The following SPEN variants were observed in gnomAD, a reference collection of about 807,000 sequenced individuals.
SPEN encodes spen family transcriptional repressor.
A neutral mutation model predicts 269.9 loss-of-function variants in SPEN; 18 were observed. The observed-to-expected ratio is 0.07, with a 90% CI of 0.05 to 0.10. The LOEUF (loss-of-function observed/expected upper bound fraction) is 0.10, where lower values mean the gene tolerates loss of function less well. Among genes scored for constraint, SPEN ranks in the 10% least tolerant of loss-of-function variants. SPEN has a pLI of 1.00. For synonymous variants in SPEN, 1,726 were observed against 1,765.7 expected (o/e 0.98, Z 0.56); for missense variants, 3,822 against 4,631.2 (o/e 0.83, Z 5.07).
intron 3 of SPEN, among the ~76,000 whole-genome samples, chr1:15,899,442 A>G (rs2070876863): frequency 6.6e-6 from 1 of 151,610 alleles, no homozygotes; most frequent in Admixed American, 6.6e-5. Flanking sequence ...GCCCTTCCAA[A>G]GTGCTAGGAT....
intron 3 of SPEN, among the ~76,000 whole-genome samples, chr1:15,892,421 G>A (rs940464986): frequency 1.3e-5 from 2 of 152,126 alleles, no homozygotes; most frequent in Non-Finnish European, 2.9e-5. Flanking sequence ...GCTCTATTAA[G>A]CTGTAATGTC....
intron 10 of SPEN, among the ~76,000 whole-genome samples, chr1:15,927,274 T>C (rs2071177537): frequency 6.6e-6 from 1 of 152,228 alleles, no homozygotes; most frequent in South Asian, 2.1e-4. Flanking sequence ...GGTTTGTTAG[T>C]TGGCAGCCTG....
intron 1 of SPEN, among the ~76,000 whole-genome samples, chr1:15,865,264 A>G (rs10803404): frequency 0.89 from 135,636 of 151,714 alleles, 61,013 homozygotes; most frequent in African/African-American, 0.96. Flanking sequence ...TTGCTCCCAG[A>G]CTGGTCTCAA....
chr1:15,864,029 C>G (rs1471226442), intron 1 of SPEN, among the ~76,000 whole-genome samples: 1 of 151,982 alleles, frequency 6.6e-6, no homozygotes, highest in Non-Finnish European at 1.5e-5. Flanking sequence ...TTGACACATG[C>G]TACAACATTT....
rs773209796 is a variant in SPEN, at chr1:15,928,640, G to A, written c.2400G>A (p.Glu800=). The change falls in exon 11 of 15, where the codon GAG becomes GAA. Residue 800 remains glutamate (E), a synonymous_variant. Transcript: ENST00000375759. The surrounding 1 kb of genome is among the most constrained non-coding windows in gnomAD (Gnocchi z 5.7). The part of the protein sequence containing the change: ...KTDKERTFDP[E]RVERERRLIR... The stretch of plus-strand genomic sequence containing the variant: ...ATAAAGAACGAACTTTTGATCCGGA[G>A]AGAGTGGAGAGAGAGAGACGCTTAA... 6.2e-7 allele frequency: 1 copy of A among 1,614,072 alleles called. No individual in the cohort carries two copies.
Position 15,909,348 on chromosome 1 carries a change from T to G in SPEN, c.909T>G (p.Asp303Glu), listed in dbSNP as rs1557751843. The G allele has an allele frequency of 6.2e-7, 1 of 1,612,776 alleles. No homozygotes were observed. The highest frequency in any genetic ancestry group is 1.7e-5 in the Admixed American group (1 of 59,566). Reference sequence around the variant, plus strand: ...GTGATTCCAGCAGTAGTTCAAGTGATGATTCTCCAGCTCGATCAGTTCAGT... The same window carrying G: ...GTGATTCCAGCAGTAGTTCAAGTGAGGATTCTCCAGCTCGATCAGTTCAGT... The part of the protein sequence containing the change: ...DSSDSSSSSS[D>E]DSPARSVQSA... Residue 303 changes from aspartate (D) to glutamate (E), a missense_variant, in exon 4 of 15, where the codon GAT becomes GAG. By Grantham distance (45) the Asp-to-Glu change is conservative. Around this residue, in one of 16 missense-constraint regions of SPEN, gnomAD observed 327 missense variants for 350.8 expected, o/e 0.93. Transcript: ENST00000375759.
intron 1 of SPEN, among the ~76,000 whole-genome samples, chr1:15,858,303 C>A (rs577778679): frequency 6.6e-6 from 1 of 152,090 alleles, no homozygotes; most frequent in East Asian, 1.9e-4. Context: ...TCCCCTTTTC[C>A]CAAATTCACC....
In SPEN at chr1:15,935,659, C is replaced by A; in HGVS notation, c.9419C>A (p.Pro3140Gln). ...EVRAPQRAST[P>Q]QPAPAGVPAL... is the part of the protein sequence containing the mutation. Reference sequence around the variant, plus strand: ...AGGGCCCCACAGCGTGCCAGCACCCCGCAGCCAGCCCCAGCTGGTGTGCCT... The same window carrying A: ...AGGGCCCCACAGCGTGCCAGCACCCAGCAGCCAGCCCCAGCTGGTGTGCCT... Residue 3140 changes from proline to glutamine, a missense_variant, in exon 11 of 15, where the codon CCG (proline) becomes CAG (glutamine). Coordinates refer to ENST00000375759, the MANE Select transcript of SPEN (RefSeq NM_015001.3). This position sits in a 1 kb window ranked among gnomAD's most constrained non-coding sequence, Gnocchi z 7.7. The A allele has an allele frequency of 1.2e-6, 2 of 1,614,020 alleles. No homozygotes were observed. Among genetic ancestry groups the A allele is most frequent in the Non-Finnish European group, 1.7e-6 (2 of 1,179,996 alleles).
chr1:15,883,279 G>A (rs543014045), intron 3 of SPEN, among the ~76,000 whole-genome samples: 3 of 152,152 alleles, frequency 2.0e-5, no homozygotes, highest in South Asian at 2.1e-4. Context: ...GAAACCCTTT[G>A]TGGTGTTTGC....
At chr1:15,915,906 A>AT (rs58631232) in intron 5 of SPEN, among the ~76,000 whole-genome samples, 6 of 151,490 alleles carry the variant, frequency 4.0e-5, no homozygotes, top group Non-Finnish European at 4.4e-5. Context: ...TTTAGCCTTA[A>AT]TTTTTTTTTG....
chr1:15,929,694 T>A lies in SPEN; in HGVS notation c.3454T>A (p.Ser1152Thr). 1 of 1,614,000 alleles carries A rather than the reference T, an allele frequency of 6.2e-7. No individual in the cohort carries two copies. Among genetic ancestry groups the A allele is most frequent in the Non-Finnish European group, 8.5e-7 (1 of 1,179,948 alleles). Residue 1152 changes from serine (S) to threonine (T), a missense_variant, in exon 11 of 15, where the codon TCA becomes ACA. Around this residue, in one of 16 missense-constraint regions of SPEN, gnomAD observed 572 missense variants for 582.6 expected, o/e 0.98. Coordinates refer to ENST00000375759, the MANE Select transcript of SPEN (RefSeq NM_015001.3). The surrounding 1 kb of genome is among the most constrained non-coding windows in gnomAD (Gnocchi z 5.8). ...ERKSGQEKSH[S>T]VNTEEKIGID... Reference sequence around the variant, plus strand: ...TAAATCAGGCCAAGAGAAATCACATTCAGTAAATACTGAAGAAAAAATTGG... The same window carrying A: ...TAAATCAGGCCAAGAGAAATCACATACAGTAAATACTGAAGAAAAAATTGG...
At position 15,937,524 on chromosome 1, in the gene SPEN, C is replaced by G; in HGVS notation, c.10388C>G (p.Ser3463Cys). The G allele has an allele frequency of 6.2e-7, 1 of 1,614,162 alleles. No homozygotes were observed. The highest frequency in any genetic ancestry group is 8.5e-7 in the Non-Finnish European group (1 of 1,180,040). Residue 3463 changes from serine (S) to cysteine (C), a missense_variant, in exon 12 of 15, where the codon TCT becomes TGT. Ser to Cys is a moderately radical substitution (Grantham distance 112). Coordinates refer to ENST00000375759, the MANE Select transcript of SPEN (RefSeq NM_015001.3). This position sits in a 1 kb window ranked among gnomAD's most constrained non-coding sequence, Gnocchi z 5.7. The part of the protein sequence containing the change: ...PKQPLFVPTT[S>C]GPSTPPGLVL... ...CAGCCGTTGTTTGTCCCAACAACCT[C>G]TGGCCCCAGCACCCCACCAGGACTG...
Position 15,939,250 on chromosome 1 carries a change from G to A in SPEN, c.10864-46G>A, listed in dbSNP as rs2071311739. ...GCTCCCCAATGGAAGTGGAGTTGTG[G>A]GGGTGAAGACAGACGGTCCCACTTT... is the stretch of plus-strand genomic sequence containing the variant. On this transcript the variant is annotated intron_variant, in intron 14 of 14. Coordinates refer to ENST00000375759, the MANE Select transcript of SPEN (RefSeq NM_015001.3). The surrounding 1 kb of genome is among the most constrained non-coding windows in gnomAD (Gnocchi z 4.1). The A allele has an allele frequency of 6.7e-7, 1 of 1,502,122 alleles. No individual in the cohort carries two copies. The highest frequency in any genetic ancestry group is 2.2e-5 in the Admixed American group (1 of 44,938). 93.0% of individuals were successfully genotyped at this position (1,502,122 alleles called of 1,614,324 possible).
rs1013716036 is a variant in SPEN at position 15,934,627 on chromosome 1, G to A, written c.8387G>A (p.Arg2796His). ...GGGTCCATGCCTGTGATCGACGATC[G>A]TCCGGCAGACGCGGGCTCAGGGGCG... ...HPGSMPVIDD[R>H]PADAGSGAGL... The change falls in exon 11 of 15, where the codon CGT becomes CAT. Residue 2796 changes from arginine to histidine, a missense_variant. By Grantham distance (29) the Arg-to-His change is conservative (BLOSUM62 0). Transcript: ENST00000375759. This position sits in a 1 kb window ranked among gnomAD's most constrained non-coding sequence, Gnocchi z 9.2. The A allele has an allele frequency of 3.2e-5, 52 of 1,613,784 alleles. No individual in the cohort carries two copies. Among genetic ancestry groups the A allele is most frequent in the Non-Finnish European group, 3.9e-5 (46 of 1,179,828 alleles).
At chr1:15,860,101 C>T (rs1329028194) in intron 1 of SPEN, among the ~76,000 whole-genome samples, 17 of 151,282 alleles carry the variant, frequency 1.1e-4, no homozygotes, top group Admixed American at 3.3e-4. Flanking sequence ...TTAGTAGAGA[C>T]GGGGTTTCAC....
At position 15,934,454 on chromosome 1, in the gene SPEN, A is replaced by G; in HGVS notation, c.8214A>G (p.Ala2738=). Residue 2738 remains alanine (A), a synonymous_variant, in exon 11 of 15, where the codon GCA becomes GCG. Transcript: ENST00000375759. The surrounding 1 kb of genome is among the most constrained non-coding windows in gnomAD (Gnocchi z 9.2). The part of the protein sequence containing the change: ...AASAVNATAS[A]VTVTAGAVTA... ...GTGCAGTGAATGCCACAGCAAGTGCAGTGACCGTCACAGCGGGTGCGGTTA... is the reference window on the plus strand; with the variant it reads ...GTGCAGTGAATGCCACAGCAAGTGCGGTGACCGTCACAGCGGGTGCGGTTA... 1 of 1,614,050 alleles carries G rather than the reference A, an allele frequency of 6.2e-7. No individual in the cohort carries two copies. Among genetic ancestry groups the G allele is most frequent in the Non-Finnish European group, 8.5e-7 (1 of 1,180,048 alleles).
At chr1:15,864,641 C>T (rs1259406733) in intron 1 of SPEN, among the ~76,000 whole-genome samples, 2 of 132,050 alleles carry the variant, frequency 1.5e-5, no homozygotes, top group East Asian at 2.2e-4. Flanking sequence ...GACAAGGTCT[C>T]GCTCTGTCAC....
intron 10 of SPEN, among the ~76,000 whole-genome samples, chr1:15,926,286 A>C (rs905437269): frequency 2.0e-5 from 3 of 151,986 alleles, no homozygotes; most frequent in Non-Finnish European, 2.9e-5. Flanking sequence ...ATTCCCAGCT[A>C]CTTGTGGTGG....
intron 8 of SPEN, 30 bp downstream of exon 8, chr1:15,919,547 G>T: frequency 7.2e-7 from 1 of 1,383,022 alleles, no homozygotes; most frequent in Non-Finnish European, 1.0e-6. Flanking sequence ...ATGTGGTTCA[G>T]ACTTCTGACT....
Sources: gnomAD v4.1 joint callset for allele counts (sites outside exome capture counted in the v4.1 genomes callset) on GRCh38, gnomAD v4.1.1 for gene constraint, gnomAD v4.1.1 regional missense constraint, Gnocchi (gnomAD v3.1) non-coding constraint, MANE v1.5 for transcripts, NCBI Gene and HGNC (gene_info 2026-07-23, HGNC 2026-07-21) for gene names.